ROBO2: variants seen among roughly 807,000 people sequenced by gnomAD.
The protein encoded by ROBO2 is roundabout guidance receptor 2.
Under a neutral mutation model 160.8 loss-of-function variants are expected in ROBO2, and 53 were observed. The observed-to-expected ratio is 0.33, with a 90% confidence interval of 0.26 to 0.41. ROBO2 has a LOEUF of 0.41. Ranked by LOEUF, ROBO2 falls within the 10% of genes least tolerant of loss-of-function variation. The pLI is 1.00. For synonymous variants in ROBO2, 664 were observed against 611.7 expected, an observed-to-expected ratio of 1.09 and a Z score of -1.26; for missense variants, 1,577 against 1,722.4, an observed-to-expected ratio of 0.92 and a Z score of 1.49.
Position 76,798,140 on chromosome 3 carries a change from G to GAGAAAGAAAGAAAGAA in ROBO2, c.110-299859_110-299844dup, listed in dbSNP as rs146844266. Among the ~76,000 whole-genome samples the GAGAAAGAAAGAAAGAA allele has an allele frequency of 3.7e-3, 426 of 115,666 alleles. 3 individuals are homozygous for GAGAAAGAAAGAAAGAA. Among genetic ancestry groups the GAGAAAGAAAGAAAGAA allele is most frequent in the Non-Finnish European group, 4.5e-3 (259 of 57,658 alleles). The allele number at this position is 115,666 out of a possible 152,430, so 75.9% of individuals were successfully genotyped here. On this transcript the variant is annotated intron_variant, in intron 2 of 26. Coordinates refer to the ROBO2 transcript ENST00000487694. ...AGAGAAAGAAGAAAGAAAGAAGAAA[G>GAGAAAGAAAGAAAGAA]AGAAAGAAAGAAAGAAAGAAAGAAA...
rs187791550 is a variant in ROBO2, at chr3:77,547,591, A to C, written c.1059+1129A>C. Reference sequence around the variant, plus strand: ...AAGTTCTGTGCAGCCATTATGTCTAATTGTTGTGGGTTTCTATAAATTCCT... The same window carrying C: ...AAGTTCTGTGCAGCCATTATGTCTACTTGTTGTGGGTTTCTATAAATTCCT... On this transcript the variant is annotated intron_variant, in intron 7 of 25. Transcript: ENST00000461745. Among the ~76,000 whole-genome samples, 927 of 152,198 alleles carry C rather than the reference A, an allele frequency of 6.1e-3. 3 individuals are homozygous for C. The highest frequency in any genetic ancestry group is 0.01 in the Non-Finnish European group (681 of 67,994).
chr3:77,627,947 T>C (rs2095066037), intron 23 of ROBO2, among the ~76,000 whole-genome samples: 1 of 152,344 alleles, frequency 6.6e-6, no homozygotes. Flanking sequence ...AATGAATTGA[T>C]GACTGATCAT....
chr3:77,523,681 A>G (rs2090845794), intron 6 of ROBO2, among the ~76,000 whole-genome samples: 1 of 151,416 alleles, frequency 6.6e-6, no homozygotes, highest in South Asian at 2.1e-4. Flanking sequence ...AGTAGTACCA[A>G]GTAGACACTC....
At chr3:77,109,971 G>A (rs774684481) in intron 2 of ROBO2, among the ~76,000 whole-genome samples, 26 of 152,220 alleles carry the variant, frequency 1.7e-4, no homozygotes, top group Middle Eastern at 3.4e-3. Context: ...GCATTTTGGC[G>A]CAAACAATTC....
At chr3:77,268,363 T>TAAATACTC (rs1407938101) in intron 2 of ROBO2, among the ~76,000 whole-genome samples, 1 of 152,284 alleles carries the variant, frequency 6.6e-6, no homozygotes, top group East Asian at 1.9e-4. Flanking sequence ...GTGTACGTTT[T>TAAATACTC]AAATACTCAC....
At chr3:77,476,259 A>G (rs1432534331) in intron 2 of ROBO2, among the ~76,000 whole-genome samples, 4 of 152,146 alleles carry the variant, frequency 2.6e-5, no homozygotes, top group African/African-American at 7.2e-5. Context: ...CACGGAAGGC[A>G]GTTGGTTTGA....
intron 2 of ROBO2, among the ~76,000 whole-genome samples, chr3:76,810,946 T>C (rs2065111899): frequency 2.0e-5 from 3 of 152,190 alleles, no homozygotes; most frequent in Admixed American, 2.0e-4. Flanking sequence ...ATTAATAAGA[T>C]GCAAGTTACT....
intron 1 of ROBO2, among the ~76,000 whole-genome samples, chr3:77,088,307 C>G (rs1030803717): frequency 6.6e-5 from 10 of 152,098 alleles, no homozygotes; most frequent in African/African-American, 1.7e-4. Context: ...CTCATTCACC[C>G]TAATTAAGGA....
Position 77,146,722 on chromosome 3 carries a change from C to T in ROBO2, c.388+48382C>T, listed in dbSNP as rs1171105650. On this transcript the variant is annotated intron_variant, in intron 2 of 25. Coordinates refer to ENST00000461745, the Ensembl canonical transcript of ROBO2. ...GTGGCTCACGCTTGTAATCCCAGCA[C>T]TTTGGGAGGCCGAGGAGGGCAGATC... Among the ~76,000 whole-genome samples the T allele has an allele frequency of 5.3e-5, 8 of 152,206 alleles. No homozygotes were observed. The East Asian group carries it at 1.6e-3, about 30-fold the overall frequency.
At chr3:76,629,911 A>C in intron 2 of ROBO2, among the ~76,000 whole-genome samples, 1 of 152,096 alleles carries the variant, frequency 6.6e-6, no homozygotes, top group East Asian at 1.9e-4. Context: ...AGAATTCTGG[A>C]GGTTGCCAAT....
At chr3:76,769,374 ATAC>A (rs1346195353) in intron 2 of ROBO2, among the ~76,000 whole-genome samples, 1 of 141,650 alleles carries the variant, frequency 7.1e-6, no homozygotes, top group Non-Finnish European at 1.6e-5. Flanking sequence ...GATGATGATG[ATAC>A]TACTCCAACG....
At chr3:76,528,351 A>G (rs1330494981) in intron 2 of ROBO2, among the ~76,000 whole-genome samples, 3 of 152,110 alleles carry the variant, frequency 2.0e-5, no homozygotes, top group Non-Finnish European at 4.4e-5. Context: ...CCCAGGGAAG[A>G]TGACAGTGCC....
chr3:77,147,652 T>A (rs567510994), intron 2 of ROBO2, among the ~76,000 whole-genome samples: 1 of 152,350 alleles, frequency 6.6e-6, no homozygotes, highest in Admixed American at 6.5e-5. Flanking sequence ...CTATGTGTAA[T>A]TTAAAAAGTA....
chr3:77,254,021 A>G lies in ROBO2; in HGVS notation c.388+155681A>G, dbSNP rs147388097. Among the ~76,000 whole-genome samples, 407 of 152,358 alleles carry G rather than the reference A, an allele frequency of 2.7e-3. 6 individuals are homozygous for G. Among genetic ancestry groups the G allele is most frequent in the African/African-American group, 8.7e-3 (361 of 41,580 alleles). ...TGGCAAAGTAGTCAGCATTTAATTC[A>G]TTTGAAAAGGTAATGAAAATATTTT... On this transcript the variant is annotated intron_variant, in intron 2 of 25. Transcript: ENST00000461745.
intron 2 of ROBO2, among the ~76,000 whole-genome samples, chr3:76,498,438 G>A (rs146559706): frequency 2.7e-3 from 415 of 151,974 alleles, no homozygotes; most frequent in African/African-American, 9.4e-3. Context: ...AATCACTAAC[G>A]GAGTAGATTT....
At chr3:77,348,004 C>A (rs1211179698) in intron 2 of ROBO2, among the ~76,000 whole-genome samples, 2 of 152,210 alleles carry the variant, frequency 1.3e-5, no homozygotes, top group Non-Finnish European at 2.9e-5. Flanking sequence ...TCCACCCACA[C>A]TTTTCTGCTC....
At chr3:76,547,467 A>G (rs563653014) in intron 2 of ROBO2, among the ~76,000 whole-genome samples, 5 of 152,128 alleles carry the variant, frequency 3.3e-5, no homozygotes, top group African/African-American at 1.2e-4. Flanking sequence ...GTTTATTTTT[A>G]TGCTCTGCTG....
intron 2 of ROBO2, among the ~76,000 whole-genome samples, chr3:77,294,177 A>C (rs1236051872): frequency 7.0e-6 from 1 of 142,822 alleles, no homozygotes; most frequent in Non-Finnish European, 1.5e-5. Context: ...AGGCTAGATC[A>C]CCCCAGATGT....
chr3:76,341,170 A>G (rs2074198286), intron 2 of ROBO2, among the ~76,000 whole-genome samples: 2 of 152,068 alleles, frequency 1.3e-5, no homozygotes. Context: ...TACCATAACA[A>G]TATTAGACTA....
Sources: gnomAD v4.1 joint callset for allele counts (sites outside exome capture counted in the v4.1 genomes callset) on GRCh38, gnomAD v4.1.1 for gene constraint, MANE v1.5 for transcripts, NCBI Gene and HGNC (gene_info 2026-07-23, HGNC 2026-07-21) for gene names.